The following MSH5 variants were observed in gnomAD, a reference collection of about 807,000 sequenced individuals.
The protein encoded by MSH5 is mutS homolog 5, also known as mutS protein homolog 5.
Under a neutral mutation model 107.7 loss-of-function variants are expected in MSH5, and 78 were observed. The ratio of observed to expected loss-of-function variants is 0.72; its 90% CI spans 0.60 to 0.87. MSH5 has a LOEUF of 0.87. MSH5 is among the 40% of genes least tolerant of loss of function. MSH5 has a pLI of 0.00. For synonymous variants in MSH5, 326 were observed against 399.5 expected (o/e 0.82, Z 2.19); for missense variants, 889 against 1,046.6 (o/e 0.85, Z 2.08).
intron 5 of MSH5, chr6:31,743,574 C>G (rs984689228): frequency 1.5e-5 from 7 of 453,446 alleles, no homozygotes; most frequent in Non-Finnish European, 2.7e-5. Flanking sequence ...GTGTACTATC[C>G]TAATTAGATA....
rs763426924 is a variant in MSH5 at position 31,758,926 on chromosome 6, T to A, written c.1326+51T>A. 6.5e-7 allele frequency: 1 copy of A among 1,531,308 alleles called. No individual in the cohort carries two copies. The highest frequency in any genetic ancestry group is 9.0e-7 in the Non-Finnish European group (1 of 1,105,504). The allele number at this position is 1,531,308 out of a possible 1,614,324, so 94.9% of individuals were successfully genotyped here. On this transcript the variant is annotated intron_variant, in intron 15 of 24. Transcript: ENST00000375750. The surrounding 1 kb of genome is among the most constrained non-coding windows in gnomAD (Gnocchi z 5.1). ...CTTCAGATGTCTTTTGGGGGAGATA[T>A]TAGGCTTATGAAAGACATACTGGTA... is the stretch of plus-strand genomic sequence containing the variant.
intron 3 of MSH5, 64 bp downstream of exon 3, chr6:31,741,350 C>G: frequency 1.2e-6 from 1 of 803,408 alleles, no homozygotes; most frequent in Non-Finnish European, 1.8e-6. Flanking sequence ...CACACACACA[C>G]ACACACACAC....
At chr6:31,749,812 A>G (rs1809790395) in intron 10 of MSH5, among the ~76,000 whole-genome samples, 1 of 152,228 alleles carries the variant, frequency 6.6e-6, no homozygotes. Flanking sequence ...GTGTGAACAC[A>G]ACGCAAATGT....
Position 31,759,076 on chromosome 6 carries a change from T to C in MSH5, c.1327-21T>C, listed in dbSNP as rs115805805. On this transcript the variant is annotated intron_variant, in intron 15 of 24. Coordinates refer to ENST00000375750, the MANE Select transcript of MSH5 (RefSeq NM_172166.4). The surrounding 1 kb of genome is among the most constrained non-coding windows in gnomAD (Gnocchi z 4.7). Reference sequence around the variant, plus strand: ...AGTCTCCAAGCAGGAGAGTAGAGTATCTCCTCTTTACTCTCCCCAGATTGG... The same window carrying C: ...AGTCTCCAAGCAGGAGAGTAGAGTACCTCCTCTTTACTCTCCCCAGATTGG... 2.1e-4 allele frequency: 331 copies of C among 1,598,946 alleles called. No individual in the cohort carries two copies. In the African/African-American group the frequency reaches 4.1e-3, roughly 20 times the overall value.
At chr6:31,743,086 C>G in intron 4 of MSH5, 22 bp from the exon 5 acceptor site, 1 of 1,612,638 alleles carries the variant, frequency 6.2e-7, no homozygotes, top group Non-Finnish European at 8.5e-7. Flanking sequence ...AGAATGATAG[C>G]CTTTTCTTTC....
chr6:31,762,586 C>T lies in MSH5; in HGVS notation c.*55C>T. On this transcript the variant is annotated 3_prime_UTR_variant, in exon 25 of 25. Coordinates refer to ENST00000375750, the MANE Select transcript of MSH5 (RefSeq NM_172166.4). Reference sequence around the variant, plus strand: ...TGAGACTCCGGTGGGCTGCCATGCCCTCTTTGTTTCCTTATCTCCCTCAGA... The same window carrying T: ...TGAGACTCCGGTGGGCTGCCATGCCTTCTTTGTTTCCTTATCTCCCTCAGA... The T allele has an allele frequency of 1.8e-6, 2 of 1,126,022 alleles. No individual in the cohort carries two copies. The highest frequency in any genetic ancestry group is 2.6e-5 in the South Asian group (2 of 76,840). The allele number at this position is 1,126,022 out of a possible 1,614,324, so 69.8% of individuals were successfully genotyped here.
chr6:31,742,829 C>G (rs540604534), intron 3 of MSH5, 48 bp from the exon 4 acceptor site: 2 of 1,585,136 alleles, frequency 1.3e-6, no homozygotes, highest in South Asian at 2.2e-5. Flanking sequence ...TTCTCTTAGT[C>G]AAAGACAAAG....
At chr6:31,743,824 G>T in intron 5 of MSH5, 80 bp from the exon 6 acceptor site, 2 of 1,560,350 alleles carry the variant, frequency 1.3e-6, no homozygotes, top group Non-Finnish European at 8.7e-7. Flanking sequence ...AATCTCTCTT[G>T]CTTCTATTGT....
At position 31,751,285 on chromosome 6, in the gene MSH5, C is replaced by T. The variant is rs957129849; in HGVS notation, c.813-2016C>T. 7.2e-5 allele frequency among the ~76,000 whole-genome samples: 11 copies of T among 152,242 alleles called. No individual in the cohort carries two copies. The South Asian group carries it at 1.0e-3, about 14-fold the overall frequency. Reference sequence around the variant, plus strand: ...TGCTGGGATTACAGGCGTGAGCCACCGCACCTGGCCTGAATTTATTTTCAT... The same window carrying T: ...TGCTGGGATTACAGGCGTGAGCCACTGCACCTGGCCTGAATTTATTTTCAT... On this transcript the variant is annotated intron_variant, in intron 10 of 24. Coordinates refer to ENST00000375750, the MANE Select transcript of MSH5 (RefSeq NM_172166.4).
At position 31,740,329 on chromosome 6, in the gene MSH5, C is replaced by T. The variant is rs931434694; in HGVS notation, c.-13-125C>T. On this transcript the variant is annotated intron_variant, in intron 1 of 24. Transcript: ENST00000375750. This position sits in a 1 kb window ranked among gnomAD's most constrained non-coding sequence, Gnocchi z 4.4. Reference sequence around the variant, plus strand: ...CTCCTGTGTCCACAGCTCTCCACGCCCCTCAGCCCTGCCCCGCAGCCCTGT... The same window carrying T: ...CTCCTGTGTCCACAGCTCTCCACGCTCCTCAGCCCTGCCCCGCAGCCCTGT... The T allele has an allele frequency of 2.4e-5, 23 of 968,966 alleles. No individual in the cohort carries two copies. Among genetic ancestry groups the T allele is most frequent in the East Asian group, 3.0e-5 (1 of 32,878 alleles). The allele number at this position is 968,966 out of a possible 1,614,324, so 60.0% of individuals were successfully genotyped here.
intron 3 of MSH5, 50 bp downstream of exon 3, chr6:31,741,336 TACAC>T (rs9279401): frequency 0.096 from 84,968 of 888,810 alleles, 4,314 homozygotes; most frequent in East Asian, 0.19. Flanking sequence ...GCAGATGTGT[TACAC>T]ACACACACAC....
At chr6:31,745,766 T>A (rs1457682672) in intron 9 of MSH5, among the ~76,000 whole-genome samples, 2 of 48,738 alleles carry the variant, frequency 4.1e-5, no homozygotes, top group South Asian at 5.7e-4. Flanking sequence ...TGTGTCCAGG[T>A]TTTTTTTTTT....
chr6:31,751,493 G>T (rs938481376), intron 10 of MSH5: 1 of 151,780 alleles, frequency 6.6e-6, no homozygotes, highest in Non-Finnish European at 1.5e-5. Flanking sequence ...AAAATTAGCC[G>T]GGAGTGGTGG....
At position 31,740,344 on chromosome 6, in the gene MSH5, C is replaced by T. The variant is rs1214819474; in HGVS notation, c.-13-110C>T. 1.9e-5 allele frequency: 23 copies of T among 1,195,620 alleles called. No individual in the cohort carries two copies. The highest frequency in any genetic ancestry group is 2.7e-5 in the Admixed American group (1 of 36,450). 74.1% of individuals were successfully genotyped at this position (1,195,620 alleles called of 1,614,324 possible). Reference sequence around the variant, plus strand: ...CTCTCCACGCCCCTCAGCCCTGCCCCGCAGCCCTGTAGCAGAAGTACTTAG... The same window carrying T: ...CTCTCCACGCCCCTCAGCCCTGCCCTGCAGCCCTGTAGCAGAAGTACTTAG... On this transcript the variant is annotated intron_variant, in intron 1 of 24. Coordinates refer to ENST00000375750, the MANE Select transcript of MSH5 (RefSeq NM_172166.4). The surrounding 1 kb of genome is among the most constrained non-coding windows in gnomAD (Gnocchi z 4.4).
At chr6:31,743,828 C>G in intron 5 of MSH5, 76 bp from the exon 6 acceptor site, 1 of 1,571,522 alleles carries the variant, frequency 6.4e-7, no homozygotes, top group African/African-American at 1.4e-5. Context: ...TCTCTTGCTT[C>G]TATTGTCTCA....
chr6:31,746,806 TTTTG>T (rs1388730854), intron 9 of MSH5, among the ~76,000 whole-genome samples: 6 of 150,230 alleles, frequency 4.0e-5, no homozygotes, highest in African/African-American at 9.8e-5. Flanking sequence ...GTTTTTTGTG[TTTTG>T]TTTGTTTGTT....
In MSH5 at chr6:31,753,433, C is replaced by A; in HGVS notation, c.945C>A (p.Asn315Lys). The change falls in exon 11 of 25, where the codon AAC becomes AAA. Residue 315 changes from asparagine to lysine, a missense_variant. Physicochemically the swap from Asn to Lys is moderately conservative, Grantham distance 94 (BLOSUM62 0). This residue lies in a region of MSH5 where 518 missense variants were observed against 565.0 expected (regional missense o/e 0.92). Coordinates refer to ENST00000375750, the MANE Select transcript of MSH5 (RefSeq NM_172166.4). ...ATCGGCTCCTGGGTCACATCAAGAA[C>A]GTGCCTGTGAGCCCAGGGTGGAGGG... ...MLHRLLGHIK[N>K]VPLILKRMKL... The A allele has an allele frequency of 1.2e-6, 2 of 1,613,780 alleles. No individual in the cohort carries two copies. The highest frequency in any genetic ancestry group is 1.7e-6 in the Non-Finnish European group (2 of 1,179,792).
chr6:31,743,571 A>G (rs1809114408), intron 5 of MSH5: 1 of 453,050 alleles, frequency 2.2e-6, no homozygotes, highest in South Asian at 3.2e-5. Context: ...GGAGTGTACT[A>G]TCCTAATTAG....
chr6:31,753,146 A>G (rs1395996112), intron 10 of MSH5, 155 bp from the exon 11 acceptor site: 1 of 880,876 alleles, frequency 1.1e-6, no homozygotes, highest in Admixed American at 2.4e-5. Flanking sequence ...ACACACCTGA[A>G]TGGGTAGGAC....
Sources: allele counts gnomAD v4.1 joint callset (sites outside exome capture counted in the v4.1 genomes callset), GRCh38; gene constraint gnomAD v4.1.1; regional missense constraint gnomAD v4.1.1; non-coding constraint Gnocchi (gnomAD v3.1); transcripts MANE v1.5; gene names NCBI Gene and HGNC (gene_info 2026-07-23, HGNC 2026-07-21).